ACTR1A: variants seen among roughly 807,000 people sequenced by gnomAD.
ACTR1A encodes the protein actin related protein 1A, also known as alpha-centractin.
In ACTR1A, 10 loss-of-function variants were observed where a neutral mutation model predicts 50.7. That is an observed-to-expected ratio of 0.20 (90% CI 0.12 to 0.33). The LOEUF is 0.33. ACTR1A is among the 10% of genes least tolerant of loss of function. The pLI is 1.00. For missense variants in ACTR1A, 253 were observed against 491.7 expected, an observed-to-expected ratio of 0.51 and a Z score of 4.59; for synonymous variants, 177 against 184.2, an observed-to-expected ratio of 0.96 and a Z score of 0.32.
At chr10:102,495,141 G>A (rs945728848) in intron 1 of ACTR1A, among the ~76,000 whole-genome samples, 1 of 152,106 alleles carries the variant, frequency 6.6e-6, no homozygotes, top group African/African-American at 2.4e-5. Context: ...CTCGGGTGTG[G>A]TGGTGCGGGT....
chr10:102,497,673 G>A (rs76946003), intron 1 of ACTR1A, among the ~76,000 whole-genome samples: 1 of 151,902 alleles, frequency 6.6e-6, no homozygotes, highest in Admixed American at 6.6e-5. Flanking sequence ...TAAAGAGATG[G>A]GGGTCTTGCT....
rs752206454 is a variant in ACTR1A at position 102,480,646 on chromosome 10, G to A, written c.*217C>T. 8.6e-6 allele frequency: 5 copies of A among 579,802 alleles called. No homozygotes were observed. Among genetic ancestry groups the A allele is most frequent in the East Asian group, 2.9e-5 (1 of 34,924 alleles). 35.9% of individuals were successfully genotyped at this position (579,802 alleles called of 1,614,324 possible). A position where few individuals can be genotyped will look rare whatever the true frequency, so the allele number is the denominator to read the frequency against. On this transcript the variant is annotated 3_prime_UTR_variant, in exon 11 of 11. Transcript: ENST00000369905. ...GCTCTTCCCTGTCAGGAGCCAGTTA[G>A]TGGTCAACCCCAGGCCTCAGGCCAT... is the stretch of plus-strand genomic sequence containing the variant.
intron 4 of ACTR1A, among the ~76,000 whole-genome samples, chr10:102,487,931 A>C (rs1315601590): frequency 1.3e-5 from 2 of 152,036 alleles, no homozygotes; most frequent in Non-Finnish European, 1.5e-5. Context: ...GCGCCCGGCC[A>C]CGACTTGGCT....
chr10:102,485,905 C>T lies in ACTR1A; in HGVS notation c.316-172G>A, dbSNP rs190242819. Among the ~76,000 whole-genome samples, 699 of 152,292 alleles carry T rather than the reference C, an allele frequency of 4.6e-3. 3 individuals are homozygous for T. Among genetic ancestry groups the T allele is most frequent in the Non-Finnish European group, 6.0e-3 (409 of 68,028 alleles). The stretch of plus-strand genomic sequence containing the variant: ...ACTATCCCTGCCCAAGTAGTTTTCT[C>T]AACTTTTCAAGTTAATGCCCACTTT... On this transcript the variant is annotated intron_variant, in intron 4 of 10. Transcript: ENST00000369905.
chr10:102,500,597 AAAC>A (rs756930976), intron 1 of ACTR1A, among the ~76,000 whole-genome samples: 8,110 of 147,362 alleles, frequency 0.055, 517 homozygotes, highest in African/African-American at 0.16. Flanking sequence ...ACAAACAAAC[AAAC>A]AAACAAAAAT....
intron 10 of ACTR1A, 32 bp from the exon 11 acceptor site, chr10:102,480,997 A>T (rs780898762): frequency 2.5e-6 from 4 of 1,592,156 alleles, no homozygotes; most frequent in Non-Finnish European, 3.4e-6. Context: ...GAACTGTGTG[A>T]GAGAGAAGTG....
Position 102,479,620 on chromosome 10 carries a change from T to C in ACTR1A, c.*1243A>G. 1 of 1,289,434 alleles carries C rather than the reference T, an allele frequency of 7.8e-7. No homozygotes were observed. The highest frequency in any genetic ancestry group is 1.0e-6 in the Non-Finnish European group (1 of 988,812). 79.9% of individuals were successfully genotyped at this position (1,289,434 alleles called of 1,614,324 possible). On this transcript the variant is annotated 3_prime_UTR_variant, in exon 11 of 11. Coordinates refer to ENST00000369905, the MANE Select transcript of ACTR1A (RefSeq NM_005736.4). The surrounding 1 kb of genome is among the most constrained non-coding windows in gnomAD (Gnocchi z 4.0). ...CACTCTGGTCTGGCCCACTCCCTCC[T>C]TAACCAAGCAGGTCCAAGGTCAAGA...
At chr10:102,481,087 GCCATCACTT>G (rs1273915400) in intron 10 of ACTR1A, 36 bp downstream of exon 10, 1 of 1,598,176 alleles carries the variant, frequency 6.3e-7, no homozygotes, top group African/African-American at 1.3e-5. Flanking sequence ...GGTTATCAGT[GCCATCACTT>G]CCTGTTCTGT....
chr10:102,479,783 T>G lies in ACTR1A; in HGVS notation c.*1080A>C. The G allele has an allele frequency of 1.2e-6, 1 of 858,034 alleles. No homozygotes were observed. The highest frequency in any genetic ancestry group is 1.6e-6 in the Non-Finnish European group (1 of 631,076). 53.2% of individuals were successfully genotyped at this position (858,034 alleles called of 1,614,324 possible). ...GCACTGGCTCTCCAACACCCCTCCC[T>G]TGCTTAGGGGCCTCTGCCAAAGAAA... is the stretch of plus-strand genomic sequence containing the variant. On this transcript the variant is annotated 3_prime_UTR_variant, in exon 11 of 11. Coordinates refer to ENST00000369905, the MANE Select transcript of ACTR1A (RefSeq NM_005736.4). The surrounding 1 kb of genome is among the most constrained non-coding windows in gnomAD (Gnocchi z 4.0).
chr10:102,502,472 G>A (rs1055670003), intron 1 of ACTR1A, 128 bp downstream of exon 1: 19 of 978,122 alleles, frequency 1.9e-5, no homozygotes, highest in Non-Finnish European at 3.0e-5. Context: ...AGGAGGCGGC[G>A]GTGGCTGAAC....
chr10:102,481,329 T>TG (rs1437836558), intron 9 of ACTR1A, among the ~76,000 whole-genome samples, 157 bp from the exon 10 acceptor site: 5 of 152,172 alleles, frequency 3.3e-5, no homozygotes, highest in African/African-American at 4.8e-5. Context: ...GCCACTCATC[T>TG]GGGGAAGCAG....
At chr10:102,486,952 AT>A (rs61362296) in intron 4 of ACTR1A, among the ~76,000 whole-genome samples, 75,005 of 145,780 alleles carry the variant, frequency 0.51, 19,316 homozygotes, top group Middle Eastern at 0.64. Context: ...GTACCCGGCT[AT>A]TTTTTTTTTT....
intron 1 of ACTR1A, among the ~76,000 whole-genome samples, 176 bp from the exon 2 acceptor site, chr10:102,490,789 T>C (rs909883884): frequency 6.6e-6 from 1 of 152,176 alleles, no homozygotes; most frequent in Non-Finnish European, 1.5e-5. Flanking sequence ...GGTCAGGAGT[T>C]TGAGACCAGC....
At chr10:102,494,798 A>G (rs891971440) in intron 1 of ACTR1A, among the ~76,000 whole-genome samples, 1 of 152,168 alleles carries the variant, frequency 6.6e-6, no homozygotes, top group Non-Finnish European at 1.5e-5. Flanking sequence ...TCTCTACAAA[A>G]TATTAATTTT....
chr10:102,485,336 C>CG (rs980915758), intron 5 of ACTR1A, among the ~76,000 whole-genome samples: 1 of 152,222 alleles, frequency 6.6e-6, no homozygotes, highest in African/African-American at 2.4e-5. Context: ...GTGGCTGCCT[C>CG]GGCAGGCCCA....
chr10:102,498,398 G>A (rs1184202459), intron 1 of ACTR1A, among the ~76,000 whole-genome samples: 2 of 151,310 alleles, frequency 1.3e-5, no homozygotes, highest in African/African-American at 2.4e-5. Flanking sequence ...GCTTATTGTT[G>A]AACTTCTGAA....
In ACTR1A at chr10:102,479,481, T is replaced by C. The variant is rs574775183; in HGVS notation, c.*1382A>G. Reference sequence around the variant, plus strand: ...TGAAGTCTGGGATTGGGGTGGGTCTTGGTGTCACAGGTGAGGGTGCCGGTG... The same window carrying C: ...TGAAGTCTGGGATTGGGGTGGGTCTCGGTGTCACAGGTGAGGGTGCCGGTG... On this transcript the variant is annotated 3_prime_UTR_variant, in exon 11 of 11. Transcript: ENST00000369905. This position sits in a 1 kb window ranked among gnomAD's most constrained non-coding sequence, Gnocchi z 4.0. The C allele has an allele frequency of 1.9e-6, 1 of 520,656 alleles. No homozygotes were observed. The highest frequency in any genetic ancestry group is 7.0e-5 in the East Asian group (1 of 14,362). The allele number at this position is 520,656 out of a possible 1,614,324, so 32.3% of individuals were successfully genotyped here. A position where few individuals can be genotyped will look rare whatever the true frequency, so the allele number is the denominator to read the frequency against.
At position 102,488,099 on chromosome 10, in the gene ACTR1A, T is replaced by C; in HGVS notation, c.315+51A>G. 6.3e-7 allele frequency: 1 copy of C among 1,575,928 alleles called. No individual in the cohort carries two copies. The highest frequency in any genetic ancestry group is 8.7e-7 in the Non-Finnish European group (1 of 1,149,486). On this transcript the variant is annotated intron_variant, in intron 4 of 10. Transcript: ENST00000369905. The surrounding 1 kb of genome is among the most constrained non-coding windows in gnomAD (Gnocchi z 4.4). ...CCTCATCATCTCTAGGGTAGGAGTT[T>C]GACACAGCTTTGCATACCCTACAGG...
At chr10:102,502,256 G>A (rs1439932725) in intron 1 of ACTR1A, among the ~76,000 whole-genome samples, 1 of 152,174 alleles carries the variant, frequency 6.6e-6, no homozygotes, top group African/African-American at 2.4e-5. Flanking sequence ...CATTGGCTAA[G>A]ATGGACAGCC....
Sources: gnomAD v4.1 joint callset for allele counts (sites outside exome capture counted in the v4.1 genomes callset) on GRCh38, gnomAD v4.1.1 for gene constraint, Gnocchi (gnomAD v3.1) non-coding constraint, MANE v1.5 for transcripts, NCBI Gene and HGNC (gene_info 2026-07-23, HGNC 2026-07-21) for gene names.